The following PDSS2 variants were observed in gnomAD, a reference collection of about 807,000 sequenced individuals.
The protein encoded by PDSS2 is all trans-polyprenyl-diphosphate synthase PDSS2.
In PDSS2, 31 loss-of-function variants were observed where a neutral mutation model predicts 44.5. The observed-to-expected ratio is 0.70, with a 90% CI of 0.52 to 0.94. The LOEUF (loss-of-function observed/expected upper bound fraction) is 0.94, where lower values mean the gene tolerates loss of function less well. Ranked by LOEUF, PDSS2 falls within the 40% of genes least tolerant of loss-of-function variation. PDSS2 has a pLI of 0.00. For synonymous variants in PDSS2, 157 were observed against 180.3 expected (o/e 0.87, Z 1.03); for missense variants, 452 against 482.2 (o/e 0.94, Z 0.59).
intron 4 of PDSS2, among the ~76,000 whole-genome samples, chr6:107,236,032 A>G (rs1240737215): frequency 2.0e-5 from 3 of 152,188 alleles, no homozygotes; most frequent in Non-Finnish European, 4.4e-5. Flanking sequence ...TGAAGAAATA[A>G]TAATCTTTTC....
intron 1 of PDSS2, among the ~76,000 whole-genome samples, chr6:107,437,568 G>C (rs938595151): frequency 6.7e-6 from 1 of 148,236 alleles, no homozygotes; most frequent in Admixed American, 6.7e-5. Context: ...GTCGTGCCTT[G>C]TTATACATGG....
chr6:107,346,566 G>C (rs1238609342), intron 1 of PDSS2, among the ~76,000 whole-genome samples: 1 of 152,098 alleles, frequency 6.6e-6, no homozygotes, highest in Non-Finnish European at 1.5e-5. Context: ...GCTTAGAATA[G>C]TGCCTGGCAC....
chr6:107,158,390 G>A (rs782362879), intron 7 of PDSS2, among the ~76,000 whole-genome samples: 35 of 151,882 alleles, frequency 2.3e-4, no homozygotes, highest in Non-Finnish European at 2.9e-5. Flanking sequence ...TCTCCATCTT[G>A]GCCAGGCTGG....
intron 4 of PDSS2, among the ~76,000 whole-genome samples, chr6:107,224,704 C>T (rs1048062040): frequency 1.3e-5 from 2 of 151,044 alleles, no homozygotes; most frequent in African/African-American, 4.9e-5. Flanking sequence ...GAATTTACTC[C>T]CTAAGATAAA....
At chr6:107,439,048 T>C (rs1383778651) in intron 1 of PDSS2, among the ~76,000 whole-genome samples, 6 of 152,206 alleles carry the variant, frequency 3.9e-5, no homozygotes, top group Admixed American at 3.9e-4. Context: ...GGGTGAGTTT[T>C]CTAAAATTTA....
rs1268543702 is a variant in PDSS2 at position 107,457,970 on chromosome 6, T to G, written c.296+1020A>C. Among the ~76,000 whole-genome samples, 3 of 152,044 alleles carry G rather than the reference T, an allele frequency of 2.0e-5. 1 individual carries two copies. The highest frequency in any genetic ancestry group is 4.1e-4 in the South Asian group (2 of 4,834). ...ATGTATGCAATCTACCATCAAATGA[T>G]TCAGAAAAAAATATATAGAAAGATA... is the stretch of plus-strand genomic sequence containing the variant. On this transcript the variant is annotated intron_variant, in intron 1 of 7. Transcript: ENST00000369037.
chr6:107,371,483 CA>C (rs1779127672), intron 1 of PDSS2, among the ~76,000 whole-genome samples: 1 of 152,172 alleles, frequency 6.6e-6, no homozygotes, highest in East Asian at 1.9e-4. Flanking sequence ...CTGCAGGTTA[CA>C]TTCTCCTGTT....
chr6:107,391,749 C>T (rs1412926153), intron 1 of PDSS2, among the ~76,000 whole-genome samples: 4 of 151,952 alleles, frequency 2.6e-5, no homozygotes, highest in Non-Finnish European at 5.9e-5. Context: ...AGTTTGCCCA[C>T]AAAATCCATT....
intron 2 of PDSS2, among the ~76,000 whole-genome samples, chr6:107,295,890 G>A (rs985959423): frequency 6.6e-6 from 1 of 152,062 alleles, no homozygotes. Flanking sequence ...TATCTTTTTG[G>A]TAAATAGTCT....
intron 3 of PDSS2, among the ~76,000 whole-genome samples, chr6:107,250,919 A>ATGTG (rs1774796177): frequency 6.6e-6 from 1 of 152,036 alleles, no homozygotes; most frequent in Non-Finnish European, 1.5e-5. Flanking sequence ...GCAGTGGCAC[A>ATGTG]ATCTCAGCTC....
At chr6:107,408,997 A>G (rs1258861141) in intron 1 of PDSS2, among the ~76,000 whole-genome samples, 1 of 152,198 alleles carries the variant, frequency 6.6e-6, no homozygotes, top group African/African-American at 2.4e-5. Flanking sequence ...AAATAAGTCA[A>G]AGGCATAAAC....
intron 4 of PDSS2, among the ~76,000 whole-genome samples, chr6:107,240,541 G>GGCGC (rs1774388964): frequency 1.3e-5 from 2 of 151,700 alleles, no homozygotes; most frequent in Admixed American, 1.3e-4. Context: ...TGGGATTACA[G>GGCGC]GCGCGCACCA....
At chr6:107,386,598 G>A (rs980080048) in intron 1 of PDSS2, among the ~76,000 whole-genome samples, 4 of 152,244 alleles carry the variant, frequency 2.6e-5, no homozygotes, top group African/African-American at 9.6e-5. Context: ...ACTCACTAGT[G>A]CAATCTCCTC....
chr6:107,256,825 T>G (rs984744820), intron 3 of PDSS2, among the ~76,000 whole-genome samples: 2 of 151,862 alleles, frequency 1.3e-5, no homozygotes, highest in African/African-American at 2.4e-5. Flanking sequence ...CCCAAGAGTT[T>G]GAGACCAGCC....
intron 7 of PDSS2, among the ~76,000 whole-genome samples, chr6:107,168,934 T>G (rs1771457624): frequency 6.6e-6 from 1 of 152,184 alleles, no homozygotes; most frequent in African/African-American, 2.4e-5. Flanking sequence ...TCAACTTTGG[T>G]GAATCTGACA....
At chr6:107,177,431 G>T (rs767759067) in intron 7 of PDSS2, among the ~76,000 whole-genome samples, 1 of 152,040 alleles carries the variant, frequency 6.6e-6, no homozygotes, top group Admixed American at 6.6e-5. Flanking sequence ...GCCACCATGC[G>T]CAGCCTGTAA....
chr6:107,423,186 G>T (rs570885831), intron 1 of PDSS2, among the ~76,000 whole-genome samples: 1 of 151,994 alleles, frequency 6.6e-6, no homozygotes, highest in Non-Finnish European at 1.5e-5. Flanking sequence ...GTTGTAAATG[G>T]CAATGAGTAT....
At chr6:107,434,187 A>G (rs1438545324) in intron 1 of PDSS2, among the ~76,000 whole-genome samples, 1 of 152,206 alleles carries the variant, frequency 6.6e-6, no homozygotes, top group African/African-American at 2.4e-5. Flanking sequence ...ATTATGGAAA[A>G]CAGTACGCAA....
rs1029251599 is a variant in PDSS2 at position 107,355,608 on chromosome 6, C to T, written c.297-21276G>A. The stretch of plus-strand genomic sequence containing the variant: ...AGCTCACCACCCCAAAAAAGAATAC[C>T]TGAGTGATTCCACAACCAGAAGCCC... On this transcript the variant is annotated intron_variant, in intron 1 of 7. Coordinates refer to ENST00000369037, the MANE Select transcript of PDSS2 (RefSeq NM_020381.4). Among the ~76,000 whole-genome samples the T allele has an allele frequency of 3.3e-5, 5 of 152,134 alleles. No homozygotes were observed. The South Asian group carries it at 8.3e-4, about 25-fold the overall frequency.
Sources: allele counts gnomAD v4.1 joint callset (sites outside exome capture counted in the v4.1 genomes callset), GRCh38; gene constraint gnomAD v4.1.1; transcripts MANE v1.5; gene names NCBI Gene and HGNC (gene_info 2026-07-23, HGNC 2026-07-21).